WWOX: variants seen among roughly 807,000 people sequenced by gnomAD.
WWOX encodes the protein WW domain containing oxidoreductase.
In WWOX, 69 loss-of-function variants were observed where a neutral mutation model predicts 46.2. That is an observed-to-expected ratio of 1.49 (90% confidence interval 1.23 to 1.82). The LOEUF (loss-of-function observed/expected upper bound fraction) is 1.82, where lower values mean the gene tolerates loss of function less well. Among genes scored for constraint, WWOX ranks in the 40% most tolerant of loss-of-function variants. WWOX has a pLI of 0.00. For missense variants in WWOX, 919 were observed against 542.6 expected (o/e 1.69, Z -6.89); for synonymous variants, 359 against 202.6 (o/e 1.77, Z -6.56).
intron 8 of WWOX, among the ~76,000 whole-genome samples, chr16:78,742,881 G>A (rs1488530174): frequency 6.6e-6 from 1 of 152,122 alleles, no homozygotes; most frequent in Non-Finnish European, 1.5e-5. Context: ...CCCAGTGTAG[G>A]GTCTGGTCAA....
chr16:78,122,649 G>A (rs1005898954), intron 4 of WWOX, among the ~76,000 whole-genome samples: 17 of 150,170 alleles, frequency 1.1e-4, no homozygotes, highest in Non-Finnish European at 2.1e-4. Context: ...CTGTCACCCA[G>A]GCTGTAGTGC....
At chr16:79,095,498 C>T (rs768711585) in intron 8 of WWOX, among the ~76,000 whole-genome samples, 1 of 152,104 alleles carries the variant, frequency 6.6e-6, no homozygotes, top group Non-Finnish European at 1.5e-5. Context: ...CTGCCCTGGT[C>T]CATCAGTCAG....
chr16:79,207,724 T>C (rs2051565656), intron 8 of WWOX, among the ~76,000 whole-genome samples: 1 of 152,204 alleles, frequency 6.6e-6, no homozygotes, highest in Admixed American at 6.5e-5. Flanking sequence ...CGGTGTAACA[T>C]GTGTCCCTGT....
intron 5 of WWOX, among the ~76,000 whole-genome samples, chr16:78,184,311 A>G (rs1364405822): frequency 2.0e-5 from 3 of 152,142 alleles, no homozygotes; most frequent in African/African-American, 7.2e-5. Context: ...GGGCTGGGGT[A>G]GGCAAGGGAC....
At chr16:78,647,597 C>A (rs1315154410) in intron 8 of WWOX, among the ~76,000 whole-genome samples, 1 of 152,190 alleles carries the variant, frequency 6.6e-6, no homozygotes, top group African/African-American at 2.4e-5. Context: ...CAGATTCCTC[C>A]CCATTCTATA....
intron 8 of WWOX, among the ~76,000 whole-genome samples, chr16:78,817,374 G>A (rs2051362458): frequency 6.6e-6 from 1 of 151,964 alleles, no homozygotes; most frequent in Non-Finnish European, 1.5e-5. Flanking sequence ...TATTCCTAGT[G>A]CAGGCCAGCC....
At chr16:78,631,074 T>G (rs2046417129) in intron 8 of WWOX, among the ~76,000 whole-genome samples, 1 of 152,194 alleles carries the variant, frequency 6.6e-6, no homozygotes, top group African/African-American at 2.4e-5. Flanking sequence ...TAGAGATGAT[T>G]TAAAGTGTAC....
chr16:78,580,998 A>G (rs1426185945), intron 8 of WWOX, among the ~76,000 whole-genome samples: 2 of 152,194 alleles, frequency 1.3e-5, no homozygotes, highest in Admixed American at 6.5e-5. Flanking sequence ...AAAAAAGTAT[A>G]TCTGTGAACT....
At chr16:78,722,750 C>A (rs1216707702) in intron 8 of WWOX, among the ~76,000 whole-genome samples, 2 of 137,692 alleles carry the variant, frequency 1.5e-5, no homozygotes, top group South Asian at 4.9e-4. Flanking sequence ...AATAGAAGAT[C>A]CTGTGAAGAG....
chr16:78,535,763 G>A (rs913421670), intron 8 of WWOX: 1 of 152,144 alleles, frequency 6.6e-6, no homozygotes, highest in Non-Finnish European at 1.5e-5. Context: ...GTTCCCGTTG[G>A]CCATGGGATC....
intron 8 of WWOX, among the ~76,000 whole-genome samples, chr16:78,813,286 T>G (rs974372436): frequency 1.3e-5 from 2 of 152,068 alleles, no homozygotes; most frequent in African/African-American, 2.4e-5. Flanking sequence ...CTTAATTTCC[T>G]TTTTTTCCCT....
intron 8 of WWOX, among the ~76,000 whole-genome samples, chr16:78,855,695 G>T (rs1023081895): frequency 1.3e-5 from 2 of 152,182 alleles, no homozygotes; most frequent in African/African-American, 2.4e-5. Flanking sequence ...AAGGTTTAAG[G>T]TTGTTTTTGT....
At chr16:78,491,012 C>T (rs1214393517) in intron 8 of WWOX, among the ~76,000 whole-genome samples, 1 of 152,152 alleles carries the variant, frequency 6.6e-6, no homozygotes, top group Non-Finnish European at 1.5e-5. Context: ...TTTCCTTCCA[C>T]CTCTCCCTCT....
At chr16:78,926,123 T>C (rs889831460) in intron 8 of WWOX, among the ~76,000 whole-genome samples, 2 of 152,072 alleles carry the variant, frequency 1.3e-5, no homozygotes, top group African/African-American at 4.8e-5. Context: ...TACAGCACTT[T>C]GGGAGTGGAT....
chr16:78,936,723 G>C (rs1373655095), intron 8 of WWOX, among the ~76,000 whole-genome samples: 1 of 152,050 alleles, frequency 6.6e-6, no homozygotes, highest in East Asian at 1.9e-4. Context: ...AGCAATCACA[G>C]TTTCCAGAAA....
chr16:78,112,163 T>G (rs2032529124), intron 3 of WWOX, among the ~76,000 whole-genome samples: 1 of 152,204 alleles, frequency 6.6e-6, no homozygotes, highest in Non-Finnish European at 1.5e-5. Context: ...ACCCTACAAC[T>G]TTAAGGTTGA....
intron 5 of WWOX, among the ~76,000 whole-genome samples, chr16:78,320,923 C>T (rs748292100): frequency 6.6e-6 from 1 of 152,094 alleles, no homozygotes; most frequent in South Asian, 2.1e-4. Flanking sequence ...TTGCTTTGGG[C>T]GCCAGACTGC....
chr16:79,054,313 C>T (rs932435786), intron 8 of WWOX, among the ~76,000 whole-genome samples: 1 of 152,146 alleles, frequency 6.6e-6, no homozygotes, highest in Non-Finnish European at 1.5e-5. Context: ...AACATATCCC[C>T]CAGCTATCCC....
At chr16:78,840,274 C>G (rs2052102615) in intron 8 of WWOX, among the ~76,000 whole-genome samples, 3 of 152,184 alleles carry the variant, frequency 2.0e-5, no homozygotes, top group Admixed American at 2.0e-4. Flanking sequence ...AATCCTGAAC[C>G]TCTCTGTGCC....
Sources: allele counts gnomAD v4.1 joint callset (sites outside exome capture counted in the v4.1 genomes callset), GRCh38; gene constraint gnomAD v4.1.1; transcripts MANE v1.5; gene names NCBI Gene and HGNC (gene_info 2026-07-23, HGNC 2026-07-21).